The following CNIH3 variants were observed in gnomAD, a reference collection of about 807,000 sequenced individuals.
CNIH3 encodes cornichon family AMPA receptor auxiliary protein 3.
Under a neutral mutation model 24.1 loss-of-function variants are expected in CNIH3, and 14 were observed. That is an observed-to-expected ratio of 0.58 (90% CI 0.38 to 0.91). The LOEUF is 0.91. Ranked by LOEUF, CNIH3 falls within the 40% of genes least tolerant of loss-of-function variation. CNIH3 has a pLI of 0.00. For synonymous variants in CNIH3, 68 were observed against 73.8 expected, an observed-to-expected ratio of 0.92 and a Z score of 0.40; for missense variants, 178 against 196.8, an observed-to-expected ratio of 0.90 and a Z score of 0.57.
At chr1:224,555,959 G>A (rs954060518) in intron 3 of CNIH3, among the ~76,000 whole-genome samples, 2 of 152,170 alleles carry the variant, frequency 1.3e-5, no homozygotes, top group Non-Finnish European at 2.9e-5. Context: ...CCTTCCTGCC[G>A]CAGCCGGCTT....
chr1:224,731,585 T>G (rs1023343137), intron 4 of CNIH3, among the ~76,000 whole-genome samples: 1 of 152,234 alleles, frequency 6.6e-6, no homozygotes, highest in African/African-American at 2.4e-5. Flanking sequence ...CATGCACTCC[T>G]TCATTTAGAA....
At position 224,734,514 on chromosome 1, in the gene CNIH3, G is replaced by C; in HGVS notation, c.312-49G>C. 4 of 1,599,546 alleles carry C rather than the reference G, an allele frequency of 2.5e-6. No homozygotes were observed. In the East Asian group the frequency reaches 9.0e-5, roughly 36 times the overall value. ...CATCGGAAGGGTTTGCCCAGGTTAC[G>C]CCAGAAGTACCAGGACCTCAGAGAC... is the stretch of plus-strand genomic sequence containing the variant. On this transcript the variant is annotated intron_variant, in intron 4 of 5. Coordinates refer to ENST00000272133, the MANE Select transcript of CNIH3 (RefSeq NM_152495.2).
At chr1:224,536,573 G>A (rs937704179) in intron 2 of CNIH3, among the ~76,000 whole-genome samples, 1 of 152,120 alleles carries the variant, frequency 6.6e-6, no homozygotes, top group African/African-American at 2.4e-5. Context: ...TTACAGGCAT[G>A]AGCCACTGTG....
chr1:224,452,589 G>C (rs559274464), intron 1 of CNIH3, among the ~76,000 whole-genome samples: 1 of 150,330 alleles, frequency 6.7e-6, no homozygotes, highest in East Asian at 2.0e-4. Flanking sequence ...AGACCATCCT[G>C]GCTAACACGG....
intron 1 of CNIH3, among the ~76,000 whole-genome samples, chr1:224,469,052 C>A (rs1676262619): frequency 6.6e-6 from 1 of 151,282 alleles, no homozygotes; most frequent in Non-Finnish European, 1.5e-5. Context: ...TTTTCTATAT[C>A]AATATGGTCA....
intron 1 of CNIH3, among the ~76,000 whole-genome samples, chr1:224,659,925 C>T (rs973422287): frequency 1.3e-5 from 2 of 152,142 alleles, no homozygotes; most frequent in Non-Finnish European, 2.9e-5. Flanking sequence ...CAAAAAGAAA[C>T]AGTATAGTAT....
intron 1 of CNIH3, among the ~76,000 whole-genome samples, chr1:224,670,940 G>T (rs957731724): frequency 1.3e-5 from 2 of 152,206 alleles, no homozygotes; most frequent in African/African-American, 4.8e-5. Flanking sequence ...ATTTAAATTG[G>T]TAAAGCAGAT....
chr1:224,555,007 G>A (rs1680078163), intron 3 of CNIH3, among the ~76,000 whole-genome samples: 1 of 152,142 alleles, frequency 6.6e-6, no homozygotes, highest in African/African-American at 2.4e-5. Flanking sequence ...TTTTATATCA[G>A]GGACTTGAGC....
downstream of CNIH3, among the ~76,000 whole-genome samples, chr1:224,539,367 A>G (rs547056214): frequency 6.6e-6 from 1 of 152,286 alleles, no homozygotes; most frequent in African/African-American, 2.4e-5. Flanking sequence ...TCCCAGTCCA[A>G]TACCTTGATT....
intron 1 of CNIH3, among the ~76,000 whole-genome samples, chr1:224,631,661 C>G (rs779883880): frequency 2.6e-5 from 4 of 152,162 alleles, no homozygotes; most frequent in Admixed American, 6.5e-5. Context: ...GACACCACCT[C>G]CCACCTCCAC....
chr1:224,519,321 G>C (rs1472717848), intron 1 of CNIH3, among the ~76,000 whole-genome samples: 1 of 152,050 alleles, frequency 6.6e-6, no homozygotes, highest in Non-Finnish European at 1.5e-5. Context: ...GCTTGAGCTG[G>C]GGCATCAATC....
chr1:224,574,622 C>T, intron 4 of CNIH3: 1 of 854,778 alleles, frequency 1.2e-6, no homozygotes, highest in Non-Finnish European at 2.0e-6. Flanking sequence ...GGGAGAAGCT[C>T]AGGGAGCAGG....
intron 4 of CNIH3, chr1:224,575,184 C>T: frequency 8.8e-7 from 1 of 1,138,588 alleles, no homozygotes; most frequent in Non-Finnish European, 1.3e-6. Context: ...AGCCCAGGTT[C>T]TGATCTGGTT....
intron 3 of CNIH3, among the ~76,000 whole-genome samples, chr1:224,691,034 G>A (rs141823662): frequency 6.6e-6 from 1 of 152,328 alleles, no homozygotes; most frequent in African/African-American, 2.4e-5. Flanking sequence ...TGAAAGCAGG[G>A]GTTGGAAGAG....
At chr1:224,725,523 A>G (rs1320815292) in intron 3 of CNIH3, among the ~76,000 whole-genome samples, 2 of 152,196 alleles carry the variant, frequency 1.3e-5, no homozygotes, top group Admixed American at 6.5e-5. Flanking sequence ...GCATTCAGAG[A>G]TGGGTAGAGA....
chr1:224,695,177 G>A (rs913169356), intron 3 of CNIH3, among the ~76,000 whole-genome samples: 2 of 152,184 alleles, frequency 1.3e-5, no homozygotes, highest in Admixed American at 1.3e-4. Context: ...AGGCCTTACT[G>A]GAGCAGAAAG....
At chr1:224,483,356 A>C (rs761637629) in intron 1 of CNIH3, among the ~76,000 whole-genome samples, 13 of 152,106 alleles carry the variant, frequency 8.5e-5, no homozygotes, top group Non-Finnish European at 1.9e-4. Context: ...TCTCAAAACA[A>C]AAACATAAAA....
intron 3 of CNIH3, among the ~76,000 whole-genome samples, chr1:224,552,541 A>G (rs569733713): frequency 6.6e-6 from 1 of 151,880 alleles, no homozygotes; most frequent in South Asian, 2.1e-4. Context: ...TAGGAATAAT[A>G]TCACAAGATG....
chr1:224,617,015 G>T lies in CNIH3; in HGVS notation c.-160G>T, dbSNP rs1400963505. 3 of 1,411,892 alleles carry T rather than the reference G, an allele frequency of 2.1e-6. No homozygotes were observed. The highest frequency in any genetic ancestry group is 2.8e-6 in the Non-Finnish European group (3 of 1,087,082). 87.5% of individuals were successfully genotyped at this position (1,411,892 alleles called of 1,614,324 possible). A position where few individuals can be genotyped will look rare whatever the true frequency, so the allele number is the denominator to read the frequency against. ...GCCTGCGGGAATCCAGCGCTTATTC[G>T]CTGACCCTCGAGTCGCTTCGCTAGC... is the stretch of plus-strand genomic sequence containing the variant. On this transcript the variant is annotated 5_prime_UTR_variant, in exon 1 of 6. Coordinates refer to ENST00000272133, the MANE Select transcript of CNIH3 (RefSeq NM_152495.2).
Sources: allele counts gnomAD v4.1 joint callset (sites outside exome capture counted in the v4.1 genomes callset), GRCh38; gene constraint gnomAD v4.1.1; transcripts MANE v1.5; gene names NCBI Gene and HGNC (gene_info 2026-07-23, HGNC 2026-07-21).